Variants in THSD4 observed in about 807,000 individuals in gnomAD.
THSD4 encodes thrombospondin type-1 domain-containing protein 4.
THSD4 carries 69 observed loss-of-function variants against 119.0 expected under a neutral mutation model. The observed-to-expected ratio is 0.58, with a 90% confidence interval of 0.48 to 0.71. The LOEUF (loss-of-function observed/expected upper bound fraction) is 0.71, where lower values mean the gene tolerates loss of function less well. THSD4 is among the 30% of genes least tolerant of loss of function. The probability of loss-of-function intolerance (pLI) is 0.00; values close to 1 mark genes in which losing one functional copy is unlikely to be tolerated. For synonymous variants in THSD4, 524 were observed against 540.4 expected, an observed-to-expected ratio of 0.97 and a Z score of 0.42; for missense variants, 1,393 against 1,391.1, an observed-to-expected ratio of 1.00 and a Z score of -0.02.
intron 7 of THSD4, among the ~76,000 whole-genome samples, chr15:71,434,239 C>T (rs11072283): frequency 0.44 from 66,271 of 151,714 alleles, 15,260 homozygotes; most frequent in Middle Eastern, 0.62. Context: ...ATCTAAACAA[C>T]ATACAAACAC....
intron 4 of THSD4, among the ~76,000 whole-genome samples, chr15:71,228,860 G>A (rs1337333671): frequency 6.6e-6 from 1 of 152,108 alleles, no homozygotes; most frequent in African/African-American, 2.4e-5. Flanking sequence ...CTTTTTTCAT[G>A]CAGAAACATT....
chr15:71,625,032 G>A (rs1268673608), intron 7 of THSD4, among the ~76,000 whole-genome samples: 2 of 151,952 alleles, frequency 1.3e-5, no homozygotes, highest in African/African-American at 4.8e-5. Flanking sequence ...GTTTGAGATG[G>A]AGTCTTGCTC....
intron 7 of THSD4, among the ~76,000 whole-genome samples, chr15:71,496,226 A>G (rs146677424): frequency 2.1e-3 from 317 of 152,324 alleles, no homozygotes; most frequent in African/African-American, 6.8e-3. Context: ...TTGCATGCTA[A>G]TGTTTCTTCA....
At chr15:71,339,892 G>A (rs554785050) in intron 6 of THSD4, among the ~76,000 whole-genome samples, 15 of 152,180 alleles carry the variant, frequency 9.9e-5, no homozygotes, top group Admixed American at 2.6e-4. Flanking sequence ...AGCCTCCCAA[G>A]TAGCTGAAAT....
Position 71,609,325 on chromosome 15 carries a change from A to G in THSD4, c.1153-51205A>G, listed in dbSNP as rs187588728. 1.5e-3 allele frequency among the ~76,000 whole-genome samples: 234 copies of G among 152,318 alleles called. 1 individual carries two copies. The Middle Eastern group carries it at 0.017, about 11-fold the overall frequency. ...ATAGTTCATCACTGTGGAAGGGGTC[A>G]TTTCACTAGGAGTAAAGTCAAATTT... On this transcript the variant is annotated intron_variant, in intron 7 of 17. Coordinates refer to ENST00000261862, the MANE Select transcript of THSD4 (RefSeq NM_024817.3).
chr15:71,581,903 T>C (rs1167000242), intron 7 of THSD4, among the ~76,000 whole-genome samples: 1 of 152,200 alleles, frequency 6.6e-6, no homozygotes, highest in Non-Finnish European at 1.5e-5. Context: ...CCATACTGTT[T>C]TGATTACTGT....
At chr15:71,381,870 A>G (rs2046233566) in intron 6 of THSD4, among the ~76,000 whole-genome samples, 1 of 152,194 alleles carries the variant, frequency 6.6e-6, no homozygotes, top group Non-Finnish European at 1.5e-5. Context: ...TGCTTCCCAT[A>G]TAGTTAACAT....
At chr15:71,758,730 T>C (rs564546017) in intron 15 of THSD4, among the ~76,000 whole-genome samples, 22 of 152,322 alleles carry the variant, frequency 1.4e-4, no homozygotes, top group Non-Finnish European at 2.6e-4. Context: ...GCTGGCTGGT[T>C]CTCCAAGGAC....
chr15:71,715,775 G>GT (rs3086733), intron 8 of THSD4, among the ~76,000 whole-genome samples: 23,477 of 147,764 alleles, frequency 0.16, 2,102 homozygotes, highest in Middle Eastern at 0.21. Flanking sequence ...TAGGCTCTGG[G>GT]TTTTTTTTTT....
chr15:71,284,375 A>T (rs1458465301), intron 6 of THSD4, among the ~76,000 whole-genome samples: 1 of 152,196 alleles, frequency 6.6e-6, no homozygotes, highest in East Asian at 1.9e-4. Flanking sequence ...GAGAACAGAA[A>T]TTCATACACA....
intron 7 of THSD4, among the ~76,000 whole-genome samples, chr15:71,501,765 G>A (rs1365262376): frequency 1.3e-5 from 2 of 152,108 alleles, no homozygotes; most frequent in Non-Finnish European, 2.9e-5. Context: ...CCTCTCAATT[G>A]TTTTCTACCA....
chr15:71,521,051 G>A (rs554421454), intron 7 of THSD4, among the ~76,000 whole-genome samples: 24 of 152,282 alleles, frequency 1.6e-4, no homozygotes, highest in Admixed American at 9.8e-4. Context: ...CATCAGAGAC[G>A]AACCTGAAGG....
At chr15:71,677,033 G>A (rs953836905) in intron 8 of THSD4, among the ~76,000 whole-genome samples, 2 of 152,214 alleles carry the variant, frequency 1.3e-5, no homozygotes, top group African/African-American at 4.8e-5. Context: ...CCAAACTGCT[G>A]TCTACAGCAA....
intron 8 of THSD4, among the ~76,000 whole-genome samples, chr15:71,683,077 A>G (rs1373208549): frequency 1.3e-5 from 2 of 150,746 alleles, no homozygotes; most frequent in African/African-American, 4.9e-5. Flanking sequence ...TCACACCACC[A>G]TGCCTGGCCG....
At chr15:71,414,889 C>G (rs1243578190) in intron 7 of THSD4, among the ~76,000 whole-genome samples, 1 of 152,158 alleles carries the variant, frequency 6.6e-6, no homozygotes, top group Non-Finnish European at 1.5e-5. Flanking sequence ...GCCTGAAATT[C>G]CCTCATTGAA....
At chr15:71,441,840 C>T (rs1384441854) in intron 7 of THSD4, among the ~76,000 whole-genome samples, 1 of 152,058 alleles carries the variant, frequency 6.6e-6, no homozygotes, top group Admixed American at 6.6e-5. Context: ...CAGTACTGAC[C>T]CCGCAGGTTT....
chr15:71,482,359 C>T (rs1184267470), intron 7 of THSD4, among the ~76,000 whole-genome samples: 60 of 146,228 alleles, frequency 4.1e-4, no homozygotes, highest in Non-Finnish European at 1.9e-4. Flanking sequence ...GGCACGATCT[C>T]GGCTCACTGC....
At chr15:71,282,066 C>A (rs550472401) in intron 6 of THSD4, among the ~76,000 whole-genome samples, 1 of 152,308 alleles carries the variant, frequency 6.6e-6, no homozygotes, top group African/African-American at 2.4e-5. Flanking sequence ...ACACCTGACA[C>A]CTGGTATGGG....
chr15:71,412,238 G>C (rs575894828), intron 7 of THSD4, among the ~76,000 whole-genome samples: 1 of 152,322 alleles, frequency 6.6e-6, no homozygotes, highest in African/African-American at 2.4e-5. Context: ...CCTCTCCCCA[G>C]AAGGGGCAGG....
Sources: allele counts gnomAD v4.1 joint callset (sites outside exome capture counted in the v4.1 genomes callset), GRCh38; gene constraint gnomAD v4.1.1; transcripts MANE v1.5; gene names NCBI Gene and HGNC (gene_info 2026-07-23, HGNC 2026-07-21).